The following NKAIN3 variants were observed in gnomAD, a reference collection of about 807,000 sequenced individuals.
NKAIN3 encodes sodium/potassium-transporting ATPase subunit beta-1-interacting protein 3.
NKAIN3 carries 25 observed loss-of-function variants against 30.2 expected under a neutral mutation model. The observed-to-expected ratio is 0.83, with a 90% CI of 0.60 to 1.16. NKAIN3 has a LOEUF of 1.16. Among genes scored for constraint, NKAIN3 ranks in the 50% most tolerant of loss-of-function variants. NKAIN3 has a pLI of 0.00. For synonymous variants in NKAIN3, 91 were observed against 89.6 expected (o/e 1.02, Z -0.09); for missense variants, 225 against 254.1 (o/e 0.89, Z 0.78).
chr8:62,801,467 C>CCGCT (rs1206888104), intron 4 of NKAIN3, among the ~76,000 whole-genome samples: 1 of 152,168 alleles, frequency 6.6e-6, no homozygotes, highest in African/African-American at 2.4e-5. Context: ...TCATGAAAAC[C>CCGCT]CGCTGTTCTG....
At chr8:62,703,695 C>G (rs1024720906) in intron 3 of NKAIN3, among the ~76,000 whole-genome samples, 9 of 152,152 alleles carry the variant, frequency 5.9e-5, no homozygotes, top group Non-Finnish European at 1.3e-4. Context: ...TTTAGTGGCG[C>G]ACATCTTGGT....
intron 4 of NKAIN3, among the ~76,000 whole-genome samples, chr8:62,847,430 C>A (rs1283845166): frequency 6.6e-6 from 1 of 152,072 alleles, no homozygotes; most frequent in African/African-American, 2.4e-5. Context: ...TTTCTCTAAT[C>A]ATCAGTGATA....
chr8:62,559,240 T>A (rs1198832213), intron 1 of NKAIN3, among the ~76,000 whole-genome samples: 1 of 152,022 alleles, frequency 6.6e-6, no homozygotes, highest in African/African-American at 2.4e-5. Context: ...ATATAGCCAC[T>A]TTGGCTGTCC....
At chr8:62,616,772 C>G (rs777392616) in intron 3 of NKAIN3, among the ~76,000 whole-genome samples, 5 of 152,056 alleles carry the variant, frequency 3.3e-5, no homozygotes, top group African/African-American at 1.2e-4. Flanking sequence ...CTTTAGCAAC[C>G]AGCTCCCATC....
chr8:62,484,922 G>A (rs1260548582), intron 1 of NKAIN3, among the ~76,000 whole-genome samples: 1 of 152,202 alleles, frequency 6.6e-6, no homozygotes, highest in Non-Finnish European at 1.5e-5. Flanking sequence ...TCACTAGGCT[G>A]TGGACTTAGT....
chr8:62,852,474 G>T (rs941590559), intron 4 of NKAIN3, among the ~76,000 whole-genome samples: 2 of 152,036 alleles, frequency 1.3e-5, no homozygotes, highest in African/African-American at 4.8e-5. Context: ...TCTGATCTTA[G>T]TTATTTCTTG....
chr8:62,492,304 G>T (rs903817652), intron 1 of NKAIN3, among the ~76,000 whole-genome samples: 2 of 152,002 alleles, frequency 1.3e-5, no homozygotes, highest in Non-Finnish European at 2.9e-5. Context: ...TGGAATTTGG[G>T]AACACTTGGT....
Position 62,966,457 on chromosome 8 carries a change from A to G in NKAIN3, c.*1050A>G. On this transcript the variant is annotated 3_prime_UTR_variant, in exon 7 of 7. Transcript: ENST00000623646. ...AACTGGCATAAAACTTACATATGGT[A>G]AAATGCACAAATATTAATGGTACGA... The G allele has an allele frequency of 1.2e-6, 1 of 841,260 alleles. No homozygotes were observed. Among genetic ancestry groups the G allele is most frequent in the Admixed American group, 6.2e-5 (1 of 16,104 alleles). 52.1% of individuals were successfully genotyped at this position (841,260 alleles called of 1,614,324 possible).
intron 1 of NKAIN3, among the ~76,000 whole-genome samples, chr8:62,484,644 T>A (rs1158318151): frequency 2.6e-5 from 4 of 152,246 alleles, no homozygotes; most frequent in African/African-American, 9.6e-5. Flanking sequence ...GTGAATGGAA[T>A]AAATGTACTC....
chr8:62,699,584 G>A (rs549758964), intron 3 of NKAIN3, among the ~76,000 whole-genome samples: 1 of 152,284 alleles, frequency 6.6e-6, no homozygotes, highest in East Asian at 1.9e-4. Context: ...GAAAAGAAGA[G>A]GTCTCTTAGT....
chr8:62,337,840 T>A (rs1482451531), intron 1 of NKAIN3, among the ~76,000 whole-genome samples: 1 of 152,018 alleles, frequency 6.6e-6, no homozygotes, highest in Non-Finnish European at 1.5e-5. Flanking sequence ...ACAACTGCAG[T>A]TTATTTCATA....
chr8:62,371,038 CTT>C (rs1047290205), intron 1 of NKAIN3, among the ~76,000 whole-genome samples: 1 of 151,856 alleles, frequency 6.6e-6, no homozygotes, highest in Non-Finnish European at 1.5e-5. Flanking sequence ...CATAGAGTAA[CTT>C]AACTTACCCT....
At chr8:62,334,484 A>G (rs919547271) in intron 1 of NKAIN3, among the ~76,000 whole-genome samples, 2 of 152,104 alleles carry the variant, frequency 1.3e-5, no homozygotes, top group Non-Finnish European at 2.9e-5. Context: ...TAATCCAGTA[A>G]GACTTTACCT....
At chr8:62,609,805 A>G (rs1376936512) in intron 3 of NKAIN3, among the ~76,000 whole-genome samples, 1 of 152,138 alleles carries the variant, frequency 6.6e-6, no homozygotes, top group African/African-American at 2.4e-5. Context: ...TGCACAAAGA[A>G]CTGAAAGGAT....
intron 4 of NKAIN3, among the ~76,000 whole-genome samples, chr8:62,762,266 A>G (rs1218125072): frequency 6.6e-6 from 1 of 152,122 alleles, no homozygotes; most frequent in Non-Finnish European, 1.5e-5. Flanking sequence ...CAGTGAGCCA[A>G]GATAAGGCCA....
At chr8:62,878,758 G>T (rs559053525) in intron 4 of NKAIN3, among the ~76,000 whole-genome samples, 4 of 148,246 alleles carry the variant, frequency 2.7e-5, no homozygotes, top group African/African-American at 7.5e-5. Flanking sequence ...GAGAACATGC[G>T]GTGTTTGGTT....
chr8:62,933,442 C>A (rs562361609), intron 5 of NKAIN3, among the ~76,000 whole-genome samples: 3 of 151,968 alleles, frequency 2.0e-5, no homozygotes, highest in South Asian at 4.2e-4. Flanking sequence ...AAATATATTG[C>A]GGGAAAAAAC....
intron 1 of NKAIN3, among the ~76,000 whole-genome samples, chr8:62,371,645 A>G (rs1816911629): frequency 6.6e-6 from 1 of 151,946 alleles, no homozygotes; most frequent in South Asian, 2.1e-4. Flanking sequence ...TAATAATTTC[A>G]TTTAATAAAC....
intron 5 of NKAIN3, chr8:62,990,226 A>G: frequency 6.4e-7 from 1 of 1,555,956 alleles, no homozygotes; most frequent in Non-Finnish European, 8.7e-7. Context: ...AAATTATTGA[A>G]TAAGCAAGAA....
Sources: allele counts gnomAD v4.1 joint callset (sites outside exome capture counted in the v4.1 genomes callset), GRCh38; gene constraint gnomAD v4.1.1; transcripts MANE v1.5; gene names NCBI Gene and HGNC (gene_info 2026-07-23, HGNC 2026-07-21).